Variants in SLC25A37 observed in about 807,000 individuals in gnomAD.
SLC25A37 encodes mitoferrin-1.
SLC25A37 carries 17 observed loss-of-function variants against 31.0 expected under a neutral mutation model. The observed-to-expected ratio is 0.55, with a 90% CI of 0.38 to 0.82. The LOEUF (loss-of-function observed/expected upper bound fraction) is 0.82, where lower values mean the gene tolerates loss of function less well. Ranked by LOEUF, SLC25A37 falls within the 40% of genes least tolerant of loss-of-function variation. The pLI is 0.00. For missense variants in SLC25A37, 404 were observed against 465.8 expected (o/e 0.87, Z 1.22); for synonymous variants, 222 against 193.0 (o/e 1.15, Z -1.24).
intron 1 of SLC25A37, among the ~76,000 whole-genome samples, chr8:23,536,858 C>T (rs1270978355): frequency 6.6e-6 from 1 of 152,142 alleles, no homozygotes; most frequent in African/African-American, 2.4e-5. Flanking sequence ...GGTTCAGGGA[C>T]CTGGATGTCT....
chr8:23,560,020 A>G (rs1399269766), intron 1 of SLC25A37, among the ~76,000 whole-genome samples: 2 of 152,208 alleles, frequency 1.3e-5, no homozygotes, highest in African/African-American at 4.8e-5. Context: ...GGAGCTTTAA[A>G]AAAGAGAGTA....
At chr8:23,545,167 G>T (rs185406839) in intron 1 of SLC25A37, among the ~76,000 whole-genome samples, 33 of 152,332 alleles carry the variant, frequency 2.2e-4, no homozygotes, top group African/African-American at 7.9e-4. Flanking sequence ...ACTTGAGGAT[G>T]GTGTAGGCGA....
chr8:23,536,266 A>G (rs1054817808), intron 1 of SLC25A37, among the ~76,000 whole-genome samples: 7 of 152,060 alleles, frequency 4.6e-5, no homozygotes, highest in African/African-American at 1.4e-4. Flanking sequence ...CTTCCCATAA[A>G]CAAACTGTTG....
At position 23,529,071 on chromosome 8, in the gene SLC25A37, T is replaced by G. The variant is rs1430658108; in HGVS notation, c.69T>G (p.Asp23Glu). The change falls in exon 1 of 4, where the codon GAT becomes GAG. Residue 23 changes from aspartate to glutamate, a missense_variant. Physicochemically the swap from Asp to Glu is conservative, Grantham distance 45. Around this residue, in one of 3 missense-constraint regions of SLC25A37, gnomAD observed 154 missense variants for 153.6 expected, o/e 1.00. Transcript: ENST00000519973. This position sits in a 1 kb window ranked among gnomAD's most constrained non-coding sequence, Gnocchi z 4.1. ...VARRMDGDSR[D>E]GGGGKDATGS... ...GGAGGATGGATGGGGACAGCCGAGA[T>G]GGCGGCGGCGGCAAGGACGCCACCG... 4.4e-6 allele frequency: 7 copies of G among 1,594,106 alleles called. No individual in the cohort carries two copies. Among genetic ancestry groups the G allele is most frequent in the Non-Finnish European group, 5.1e-6 (6 of 1,171,588 alleles).
At position 23,566,132 on chromosome 8, in the gene SLC25A37, G is replaced by T; in HGVS notation, c.235G>T (p.Asp79Tyr). Residue 79 changes from aspartate (D) to tyrosine (Y), a missense_variant, in exon 2 of 4, where the codon GAT becomes TAT. Asp to Tyr is a radical substitution (Grantham distance 160). Coordinates refer to ENST00000519973, the MANE Select transcript of SLC25A37 (RefSeq NM_016612.4). ...GACACGAATGCAGAGTTTGAGTCCA[G>T]ATCCCAAAGCCCAGTACACAAGTAT... ...VKTRMQSLSP[D>Y]PKAQYTSIYG... 2.5e-6 allele frequency: 4 copies of T among 1,594,644 alleles called. No individual in the cohort carries two copies. The highest frequency in any genetic ancestry group is 3.4e-6 in the Non-Finnish European group (4 of 1,174,014).
rs781446192 is a variant in SLC25A37 at position 23,566,127 on chromosome 8, G to A, written c.230G>A (p.Ser77Asn). The A allele has an allele frequency of 6.3e-7, 1 of 1,594,450 alleles. No homozygotes were observed. The highest frequency in any genetic ancestry group is 8.5e-7 in the Non-Finnish European group (1 of 1,173,922). The change falls in exon 2 of 4, where the codon AGT becomes AAT. Residue 77 changes from serine (S) to asparagine (N), a missense_variant. This residue lies in a region of SLC25A37 where 154 missense variants were observed against 153.6 expected (regional missense o/e 1.00). Transcript: ENST00000519973. ...DSVKTRMQSLSPDPKAQYTSI... is the reference protein window; with the variant it reads ...DSVKTRMQSLNPDPKAQYTSI... ...TCCCAGACACGAATGCAGAGTTTGA[G>A]TCCAGATCCCAAAGCCCAGTACACA...
chr8:23,537,982 C>T (rs1453072527), intron 1 of SLC25A37, among the ~76,000 whole-genome samples: 1 of 151,946 alleles, frequency 6.6e-6, no homozygotes, highest in East Asian at 1.9e-4. Flanking sequence ...CTTTCTTGGA[C>T]TCATCCACAG....
At chr8:23,542,377 CTTT>C (rs59713954) in intron 1 of SLC25A37, among the ~76,000 whole-genome samples, 1 of 118,140 alleles carries the variant, frequency 8.5e-6, no homozygotes, top group Non-Finnish European at 1.6e-5. Flanking sequence ...TGTACTCCTA[CTTT>C]TTTTTTTTTT....
At chr8:23,563,273 A>G (rs997330860) in intron 1 of SLC25A37, among the ~76,000 whole-genome samples, 20 of 152,136 alleles carry the variant, frequency 1.3e-4, no homozygotes, top group South Asian at 4.2e-4. Context: ...TGCAGCCTCA[A>G]ACTCCTGGGC....
At chr8:23,568,962 AAAAAG>A in intron 3 of SLC25A37, 1 of 154,460 alleles carries the variant, frequency 6.5e-6, no homozygotes, top group East Asian at 1.9e-4. Context: ...AAAAAAAAAA[AAAAAG>A]GGAAATGCTA....
intron 2 of SLC25A37, chr8:23,567,847 TTTTTTTTTTA>T: frequency 6.6e-6 from 1 of 151,818 alleles, no homozygotes; most frequent in Non-Finnish European, 1.5e-5. Flanking sequence ...TTTTTTTTTT[TTTTTTTTTTA>T]AAGCCTGGAT....
rs1443510908 is a variant in SLC25A37 at position 23,573,812 on chromosome 8, C to T, written c.*1957C>T. On this transcript the variant is annotated 3_prime_UTR_variant, in exon 4 of 4. Coordinates refer to ENST00000519973, the MANE Select transcript of SLC25A37 (RefSeq NM_016612.4). ...TGTCCCATCTGGCAGTTAACGCCTT[C>T]TCCCTGCTCTGCCCCCCACTCCCCA... 8.8e-6 allele frequency: 4 copies of T among 456,620 alleles called. No homozygotes were observed. Among genetic ancestry groups the T allele is most frequent in the African/African-American group, 6.0e-5 (3 of 50,086 alleles). The allele number at this position is 456,620 out of a possible 1,614,324, so 28.3% of individuals were successfully genotyped here. A position where few individuals can be genotyped will look rare whatever the true frequency, so the allele number is the denominator to read the frequency against.
At chr8:23,564,848 C>T (rs7822719) in intron 1 of SLC25A37, among the ~76,000 whole-genome samples, 2 of 151,428 alleles carry the variant, frequency 1.3e-5, no homozygotes, top group Non-Finnish European at 2.9e-5. Context: ...TGTCTGTCTA[C>T]CTACCTACCT....
rs866731537 is a variant in SLC25A37 at position 23,573,741 on chromosome 8, C to T, written c.*1886C>T. The T allele has an allele frequency of 4.5e-6, 2 of 448,764 alleles. No homozygotes were observed. The highest frequency in any genetic ancestry group is 3.3e-4 in the Middle Eastern group (1 of 3,058). 27.8% of individuals were successfully genotyped at this position (448,764 alleles called of 1,614,324 possible). Reference sequence around the variant, plus strand: ...AACTGGGTACCTCCCACGTGTGCCCCGTGAACAGCCCTTTGCAGCTGGGCT... The same window carrying T: ...AACTGGGTACCTCCCACGTGTGCCCTGTGAACAGCCCTTTGCAGCTGGGCT... On this transcript the variant is annotated 3_prime_UTR_variant, in exon 4 of 4. Transcript: ENST00000519973.
intron 1 of SLC25A37, among the ~76,000 whole-genome samples, chr8:23,558,416 C>T (rs1802423541): frequency 6.6e-6 from 1 of 152,148 alleles, no homozygotes; most frequent in African/African-American, 2.4e-5. Flanking sequence ...CTCAGTTTCC[C>T]ATCTGAAAAG....
In SLC25A37 at chr8:23,574,520, C is replaced by T. The variant is rs10108792; in HGVS notation, c.*2665C>T. On this transcript the variant is annotated 3_prime_UTR_variant, in exon 4 of 4. Transcript: ENST00000519973. ...CTGTGGGCCCTGATTGCAGGCCCCT[C>T]CCTGTGTGATGAGGGATGAGTCAGC... The T allele has an allele frequency of 1.3e-5, 2 of 154,690 alleles. No individual in the cohort carries two copies. The highest frequency in any genetic ancestry group is 3.8e-4 in the East Asian group (2 of 5,198). The allele number at this position is 154,690 out of a possible 1,614,324, so 9.6% of individuals were successfully genotyped here.
chr8:23,542,678 CTTT>C (rs35952455), intron 1 of SLC25A37, among the ~76,000 whole-genome samples: 18 of 93,080 alleles, frequency 1.9e-4, no homozygotes, highest in Non-Finnish European at 2.0e-4. Context: ...CGCCCCTGGC[CTTT>C]TTTTTTTTTT....
intron 2 of SLC25A37, chr8:23,567,164 T>G (rs1802686112): frequency 6.6e-6 from 1 of 152,210 alleles, no homozygotes; most frequent in Admixed American, 6.5e-5. Context: ...AATTCATTTT[T>G]TTCAACAATG....
At chr8:23,561,909 C>T (rs1802525712) in intron 1 of SLC25A37, among the ~76,000 whole-genome samples, 1 of 152,224 alleles carries the variant, frequency 6.6e-6, no homozygotes, top group Non-Finnish European at 1.5e-5. Context: ...GTCCAGGACA[C>T]TGGGGACCGG....
Sources: gnomAD v4.1 joint callset for allele counts (sites outside exome capture counted in the v4.1 genomes callset) on GRCh38, gnomAD v4.1.1 for gene constraint, gnomAD v4.1.1 regional missense constraint, Gnocchi (gnomAD v3.1) non-coding constraint, MANE v1.5 for transcripts, NCBI Gene and HGNC (gene_info 2026-07-23, HGNC 2026-07-21) for gene names.